STPG2: variants seen among roughly 807,000 people sequenced by gnomAD.
STPG2 encodes sperm tail PG-rich repeat containing 2, also known as sperm-tail PG-rich repeat-containing protein 2.
A neutral mutation model predicts 54.2 loss-of-function variants in STPG2; 56 were observed. That is an observed-to-expected ratio of 1.03 (90% CI 0.83 to 1.29). STPG2 has a LOEUF of 1.29. STPG2 is among the 50% of genes most tolerant of loss of function. STPG2 has a pLI of 0.00. For missense variants in STPG2, 596 were observed against 544.9 expected (o/e 1.09, Z -0.93); for synonymous variants, 200 against 181.8 (o/e 1.10, Z -0.81).
intron 7 of STPG2, among the ~76,000 whole-genome samples, chr4:97,945,711 C>G (rs188056496): frequency 6.6e-6 from 1 of 150,676 alleles, no homozygotes; most frequent in Admixed American, 6.7e-5. Flanking sequence ...AAGACCCCAA[C>G]ATCTATTGTT....
chr4:97,992,314 T>C (rs1359525998), intron 5 of STPG2, among the ~76,000 whole-genome samples: 1 of 152,240 alleles, frequency 6.6e-6, no homozygotes, highest in African/African-American at 2.4e-5. Context: ...TTCATTCACA[T>C]GTGGCTTGCC....
chr4:97,531,117 G>GAAAT (rs1439230042), intron 4 of STPG2, among the ~76,000 whole-genome samples: 1 of 152,116 alleles, frequency 6.6e-6, no homozygotes, highest in Non-Finnish European at 1.5e-5. Context: ...CAACAGCATT[G>GAAAT]AAATTATCAG....
chr4:98,077,229 TTGTTGTTGTTG>T (rs1738197791), intron 5 of STPG2, among the ~76,000 whole-genome samples: 1 of 146,746 alleles, frequency 6.8e-6, no homozygotes. Flanking sequence ...AATAGTTTTG[TTGTTGTTGTTG>T]TTGTTGTTGT....
downstream of STPG2, among the ~76,000 whole-genome samples, chr4:97,556,894 A>G (rs1732090169): frequency 6.6e-6 from 1 of 152,202 alleles, no homozygotes; most frequent in Non-Finnish European, 1.5e-5. Flanking sequence ...TCCTTAAAAA[A>G]TAACCCTGGC....
intron 4 of STPG2, among the ~76,000 whole-genome samples, chr4:97,470,469 T>C (rs1430499754): frequency 6.6e-6 from 1 of 152,122 alleles, no homozygotes; most frequent in Non-Finnish European, 1.5e-5. Context: ...ATCTTTAATA[T>C]ATAGTAGTCC....
chr4:97,669,407 T>C (rs1296146941), intron 10 of STPG2, among the ~76,000 whole-genome samples: 1 of 152,176 alleles, frequency 6.6e-6, no homozygotes, highest in Non-Finnish European at 1.5e-5. Flanking sequence ...TGGAGAATAA[T>C]AAGAAAACCA....
chr4:97,972,306 C>A lies in STPG2; in HGVS notation c.907G>T (p.Ala303Ser). 2 of 1,602,310 alleles carry A rather than the reference C, an allele frequency of 1.2e-6. No individual in the cohort carries two copies. The highest frequency in any genetic ancestry group is 8.5e-7 in the Non-Finnish European group (1 of 1,174,630). ...TGATAATCAGCAGGTCCAGGGGTAG[C>A]ACAAGCTTCTTTCTGAACCGAGAAG... ...TFFSVQKEAC[A>S]TPGPADYQEF... Residue 303 changes from alanine (A) to serine (S), a missense_variant, in exon 7 of 11, where the codon GCT becomes TCT. Physicochemically the swap from Ala to Ser is moderately conservative, Grantham distance 99. Coordinates refer to ENST00000295268, the MANE Select transcript of STPG2 (RefSeq NM_174952.3).
chr4:98,040,478 C>T (rs903842947), intron 5 of STPG2, among the ~76,000 whole-genome samples: 23 of 151,812 alleles, frequency 1.5e-4, no homozygotes, highest in Admixed American at 4.0e-4. Context: ...TTGAATTCAT[C>T]TTGGGTTGAT....
intron 10 of STPG2, among the ~76,000 whole-genome samples, chr4:97,639,010 A>T (rs1721666066): frequency 6.6e-6 from 1 of 151,986 alleles, no homozygotes; most frequent in South Asian, 2.1e-4. Flanking sequence ...TACCCAAAGG[A>T]CTATAAATCA....
chr4:97,882,976 TACACAC>T (rs34481744), intron 8 of STPG2, among the ~76,000 whole-genome samples: 3,761 of 146,940 alleles, frequency 0.026, 150 homozygotes, highest in African/African-American at 0.087. Flanking sequence ...ACATACCACA[TACACAC>T]ACACACACAC....
At chr4:98,034,658 A>G (rs1736713510) in intron 5 of STPG2, among the ~76,000 whole-genome samples, 1 of 152,232 alleles carries the variant, frequency 6.6e-6, no homozygotes, top group African/African-American at 2.4e-5. Flanking sequence ...CTAAGCAAAA[A>G]GAACAAAGCT....
chr4:97,846,397 C>T lies in STPG2; in HGVS notation c.1045-5465G>A, dbSNP rs547425092. 2.6e-5 allele frequency among the ~76,000 whole-genome samples: 4 copies of T among 151,952 alleles called. No homozygotes were observed. The East Asian group carries it at 5.8e-4, about 22-fold the overall frequency. ...ATCCCAGCACTTTGGGAGGCCGAGG[C>T]GGTTGGATCACGAGATCAGGAGTTC... is the stretch of plus-strand genomic sequence containing the variant. On this transcript the variant is annotated intron_variant, in intron 8 of 10. Coordinates refer to ENST00000295268, the MANE Select transcript of STPG2 (RefSeq NM_174952.3).
chr4:97,441,837 A>G (rs1175669721), intron 4 of STPG2, among the ~76,000 whole-genome samples: 1 of 152,046 alleles, frequency 6.6e-6, no homozygotes, highest in Non-Finnish European at 1.5e-5. Context: ...TTACATCATG[A>G]TAATAGTGAG....
chr4:97,904,713 A>C (rs896020259), intron 8 of STPG2, among the ~76,000 whole-genome samples: 2 of 152,232 alleles, frequency 1.3e-5, no homozygotes, highest in Non-Finnish European at 2.9e-5. Flanking sequence ...CTTTGAAAAA[A>C]ATTTAGAAGA....
chr4:97,650,350 T>C (rs1722030397), intron 10 of STPG2, among the ~76,000 whole-genome samples: 1 of 152,156 alleles, frequency 6.6e-6, no homozygotes, highest in South Asian at 2.1e-4. Flanking sequence ...AGATTTATTC[T>C]GAGCCAAATA....
intron 10 of STPG2, among the ~76,000 whole-genome samples, chr4:97,559,323 T>C (rs181282655): frequency 7.1e-4 from 108 of 152,318 alleles, no homozygotes; most frequent in Middle Eastern, 6.8e-3. Flanking sequence ...TAATCAATAT[T>C]AATTTTATAT....
intron 10 of STPG2, among the ~76,000 whole-genome samples, chr4:97,693,147 AAAAG>A (rs766644313): frequency 2.2e-4 from 33 of 152,100 alleles, no homozygotes; most frequent in Non-Finnish European, 4.4e-4. Flanking sequence ...AAAAAAAAAA[AAAAG>A]AAAGGTATTC....
intron 8 of STPG2, among the ~76,000 whole-genome samples, chr4:97,918,198 C>A (rs772864078): frequency 2.6e-5 from 4 of 152,108 alleles, no homozygotes; most frequent in Non-Finnish European, 5.9e-5. Flanking sequence ...TTATACCTAT[C>A]TTTTCCAACA....
intron 8 of STPG2, among the ~76,000 whole-genome samples, chr4:97,903,962 C>G (rs562600156): frequency 3.3e-5 from 5 of 152,318 alleles, no homozygotes; most frequent in Non-Finnish European, 7.4e-5. Flanking sequence ...CCCACAGAGT[C>G]TCGCTGATTG....
Sources: allele counts gnomAD v4.1 joint callset (sites outside exome capture counted in the v4.1 genomes callset), GRCh38; gene constraint gnomAD v4.1.1; transcripts MANE v1.5; gene names NCBI Gene and HGNC (gene_info 2026-07-23, HGNC 2026-07-21).